The following LOC128706666 variants were observed in gnomAD, a reference collection of about 807,000 sequenced individuals.
At chr20:10,416,026 T>G in the LOC128706666 span, among the ~76,000 whole-genome samples, 1 of 152,128 alleles carries the variant, frequency 6.6e-6, no homozygotes, top group Non-Finnish European at 1.5e-5. Flanking sequence ...TTATAGAACA[T>G]GTTTGGAAGT....
the LOC128706666 span, chr20:10,420,489 G>A: frequency 6.6e-6 from 1 of 152,204 alleles, no homozygotes; most frequent in African/African-American, 2.4e-5. Flanking sequence ...TTGTTGGAAT[G>A]TGCCATATGA....
At chr20:10,424,203 T>C in the LOC128706666 span, among the ~76,000 whole-genome samples, 2 of 151,930 alleles carry the variant, frequency 1.3e-5, no homozygotes, top group African/African-American at 2.4e-5. Flanking sequence ...TAAAATGACA[T>C]TGGCATATAA....
At chr20:10,423,755 T>C in the LOC128706666 span, among the ~76,000 whole-genome samples, 274 of 152,332 alleles carry the variant, frequency 1.8e-3, 7 homozygotes, top group South Asian at 0.046. Flanking sequence ...TCCATTAGGA[T>C]AACTTAAGGA....
the LOC128706666 span, among the ~76,000 whole-genome samples, chr20:10,433,283 G>A: frequency 6.6e-6 from 1 of 152,208 alleles, no homozygotes; most frequent in Non-Finnish European, 1.5e-5. Flanking sequence ...GGGTTACAGG[G>A]GTGAGCCACC....
the LOC128706666 span, among the ~76,000 whole-genome samples, chr20:10,422,577 T>C: frequency 2.6e-5 from 4 of 152,194 alleles, no homozygotes; most frequent in Non-Finnish European, 5.9e-5. Context: ...CCTGTGTTGA[T>C]TGACATATGG....
chr20:10,432,650 C>T, the LOC128706666 span, among the ~76,000 whole-genome samples: 1 of 152,056 alleles, frequency 6.6e-6, no homozygotes, highest in Non-Finnish European at 1.5e-5. Flanking sequence ...AAAAATTAGC[C>T]AGGTGCAGTG....
At chr20:10,424,646 T>G in the LOC128706666 span, among the ~76,000 whole-genome samples, 1 of 152,244 alleles carries the variant, frequency 6.6e-6, no homozygotes, top group African/African-American at 2.4e-5. Flanking sequence ...ATGTGTTATT[T>G]ATTTTGTTTA....
chr20:10,419,338 A>T, the LOC128706666 span, among the ~76,000 whole-genome samples: 1 of 152,164 alleles, frequency 6.6e-6, no homozygotes, highest in Non-Finnish European at 1.5e-5. Context: ...TTTTATAAAT[A>T]CAATATAGTG....
the LOC128706666 span, among the ~76,000 whole-genome samples, chr20:10,432,627 T>C: frequency 9.2e-5 from 14 of 151,980 alleles, no homozygotes; most frequent in Non-Finnish European, 1.5e-4. Flanking sequence ...ACACCATCTC[T>C]ACTAAAAAAT....
the LOC128706666 span, among the ~76,000 whole-genome samples, chr20:10,431,232 T>G: frequency 6.6e-6 from 1 of 152,160 alleles, no homozygotes; most frequent in African/African-American, 2.4e-5. Context: ...ATATTTTGAC[T>G]AAAATTGGGT....
the LOC128706666 span, among the ~76,000 whole-genome samples, chr20:10,427,063 C>CACACACACACACACAA: frequency 4.1e-5 from 6 of 145,394 alleles, no homozygotes; most frequent in African/African-American, 1.5e-4. Context: ...CACACACACA[C>CACACACACACACACAA]ACACACACAC....
At chr20:10,422,899 G>T in the LOC128706666 span, among the ~76,000 whole-genome samples, 1 of 151,994 alleles carries the variant, frequency 6.6e-6, no homozygotes. Flanking sequence ...TTTTAGTAGA[G>T]ACAGGGTTTC....
chr20:10,421,945 G>T, the LOC128706666 span, among the ~76,000 whole-genome samples: 2 of 151,840 alleles, frequency 1.3e-5, no homozygotes, highest in Admixed American at 6.6e-5. Context: ...CTATGAACTT[G>T]GCTCAATTGC....
the LOC128706666 span, among the ~76,000 whole-genome samples, chr20:10,419,116 G>A: frequency 6.6e-6 from 1 of 152,004 alleles, no homozygotes; most frequent in Admixed American, 6.6e-5. Flanking sequence ...CTCAGACCAA[G>A]GCTTATAAAT....
the LOC128706666 span, among the ~76,000 whole-genome samples, chr20:10,417,143 C>T: frequency 4.6e-5 from 7 of 150,560 alleles, no homozygotes; most frequent in Admixed American, 3.3e-4. Context: ...CCCAGTTACT[C>T]GGGAGGTTGA....
chr20:10,421,779 T>A, the LOC128706666 span, among the ~76,000 whole-genome samples: 2 of 150,764 alleles, frequency 1.3e-5, no homozygotes, highest in Admixed American at 6.6e-5. Flanking sequence ...GCTTTTAAAA[T>A]ATATATATAT....
chr20:10,426,393 C>A, the LOC128706666 span, among the ~76,000 whole-genome samples: 1 of 151,104 alleles, frequency 6.6e-6, no homozygotes, highest in Non-Finnish European at 1.5e-5. Flanking sequence ...CTTGGGGCAT[C>A]ATGCCTGGCA....
the LOC128706666 span, among the ~76,000 whole-genome samples, chr20:10,422,003 G>A: frequency 5.9e-5 from 9 of 151,712 alleles, no homozygotes; most frequent in African/African-American, 2.2e-4. Flanking sequence ...CTTTATTTTT[G>A]TCTAAATGCC....
chr20:10,417,224 T>C, the LOC128706666 span, among the ~76,000 whole-genome samples: 1 of 138,236 alleles, frequency 7.2e-6, no homozygotes, highest in Non-Finnish European at 1.5e-5. Flanking sequence ...GCAGCCTGGG[T>C]GACAGAGTGA....
Sources: gnomAD v4.1 joint callset for allele counts (sites outside exome capture counted in the v4.1 genomes callset) on GRCh38, gnomAD v4.1.1 for gene constraint, MANE v1.5 for transcripts.